MEGF9: variants seen among roughly 807,000 people sequenced by gnomAD.
The protein encoded by MEGF9 is multiple EGF like domains 9, also known as multiple epidermal growth factor-like domains protein 9.
A neutral mutation model predicts 46.8 loss-of-function variants in MEGF9; 6 were observed. The ratio of observed to expected loss-of-function variants is 0.13; its 90% CI spans 0.07 to 0.25. MEGF9 has a LOEUF of 0.25. Among genes scored for constraint, MEGF9 ranks in the 10% least tolerant of loss-of-function variants. The pLI, the probability that MEGF9 is intolerant of heterozygous loss-of-function variation, is 1.00. For synonymous variants in MEGF9, 302 were observed against 330.7 expected (o/e 0.91, Z 0.94); for missense variants, 683 against 792.4 (o/e 0.86, Z 1.66).
chr9:120,696,662 G>A lies in MEGF9; in HGVS notation c.601+17096C>T, dbSNP rs911240937. Among the ~76,000 whole-genome samples the A allele has an allele frequency of 1.6e-4, 25 of 152,146 alleles. 1 individual carries two copies. The highest frequency in any genetic ancestry group is 1.3e-4 in the Admixed American group (2 of 15,282). ...TAGAGTTTAAAGCACAAGGGGAAAA[G>A]TACAAGAAATGAGGATGGCAGACAT... On this transcript the variant is annotated intron_variant, in intron 1 of 5. Transcript: ENST00000373930.
intron 1 of MEGF9, among the ~76,000 whole-genome samples, chr9:120,712,091 T>C (rs1419667437): frequency 2.0e-5 from 3 of 152,018 alleles, no homozygotes; most frequent in African/African-American, 4.8e-5. Context: ...CCCTCATCTC[T>C]ACAAAAAATA....
At chr9:120,686,969 G>GTATA (rs77369058) in intron 1 of MEGF9, among the ~76,000 whole-genome samples, 9 of 151,274 alleles carry the variant, frequency 5.9e-5, no homozygotes, top group Admixed American at 5.3e-4. Flanking sequence ...GTGTGTATGT[G>GTATA]TATATATATA....
chr9:120,616,243 C>T (rs2043472059), intron 3 of MEGF9, among the ~76,000 whole-genome samples: 1 of 151,634 alleles, frequency 6.6e-6, no homozygotes, highest in South Asian at 2.1e-4. Flanking sequence ...TGAAACACTT[C>T]ATATATATAT....
rs189044058 is a variant in MEGF9 at position 120,608,029 on chromosome 9, A to T, written c.1088-19T>A. 8.9e-5 allele frequency: 144 copies of T among 1,612,814 alleles called. 1 individual carries two copies. The Admixed American group carries it at 1.8e-3, about 20-fold the overall frequency. ...CTCGATTCTAAAAGAGAGAATGCCA[A>T]AATAGTTTAGTACAGTCTGAAGCTA... On this transcript the variant is annotated intron_variant, in intron 4 of 5. Transcript: ENST00000373930.
intron 1 of MEGF9, among the ~76,000 whole-genome samples, chr9:120,708,326 C>G (rs1029376625): frequency 1.3e-5 from 2 of 152,324 alleles, no homozygotes; most frequent in Admixed American, 1.3e-4. Context: ...GATGGCACCA[C>G]TGCACTCCAG....
At chr9:120,682,594 C>T (rs1481006861) in intron 1 of MEGF9, among the ~76,000 whole-genome samples, 1 of 152,114 alleles carries the variant, frequency 6.6e-6, no homozygotes, top group Non-Finnish European at 1.5e-5. Context: ...CACACACGCA[C>T]ACACATATAT....
intron 2 of MEGF9, among the ~76,000 whole-genome samples, chr9:120,636,803 C>A (rs1042878111): frequency 2.0e-5 from 3 of 151,872 alleles, no homozygotes; most frequent in Non-Finnish European, 4.4e-5. Flanking sequence ...GCAGCCGCCC[C>A]GTCTGGGAGG....
At chr9:120,644,539 C>T (rs973406232) in intron 2 of MEGF9, among the ~76,000 whole-genome samples, 1 of 152,182 alleles carries the variant, frequency 6.6e-6, no homozygotes, top group Non-Finnish European at 1.5e-5. Context: ...AACCAATTAA[C>T]AAACACTAGG....
intron 2 of MEGF9, among the ~76,000 whole-genome samples, chr9:120,646,040 G>C (rs568856450): frequency 6.6e-6 from 1 of 152,220 alleles, no homozygotes; most frequent in African/African-American, 2.4e-5. Flanking sequence ...ATTTCCATAA[G>C]TTCAACTTAG....
rs1448151772 is a variant in MEGF9 at position 120,713,807 on chromosome 9, G to A, written c.552C>T (p.Ser184=). The A allele has an allele frequency of 7.7e-7, 1 of 1,297,782 alleles. No homozygotes were observed. Among genetic ancestry groups the A allele is most frequent in the Non-Finnish European group, 9.8e-7 (1 of 1,022,332 alleles). 80.4% of individuals were successfully genotyped at this position (1,297,782 alleles called of 1,614,324 possible). A position where few individuals can be genotyped will look rare whatever the true frequency, so the allele number is the denominator to read the frequency against. ...TPDLPSSSNS[S]VLPTPPATEA... is the part of the protein sequence containing the mutation. The stretch of plus-strand genomic sequence containing the variant: ...CGGTGGCAGGTGGGGTGGGGAGGAC[G>A]CTGCTGTTGCTGCTGCTGGGGAGAT... The change falls in exon 1 of 6, where the codon AGC becomes AGT. Residue 184 remains serine, a synonymous_variant. Coordinates refer to ENST00000373930, the MANE Select transcript of MEGF9 (RefSeq NM_001080497.3).
chr9:120,686,792 A>G (rs78115143), intron 1 of MEGF9, among the ~76,000 whole-genome samples: 3,607 of 152,328 alleles, frequency 0.024, 152 homozygotes, highest in African/African-American at 0.083. Context: ...ATATTAAATG[A>G]AACAATATAG....
intron 1 of MEGF9, chr9:120,689,788 T>C: frequency 3.2e-6 from 1 of 308,794 alleles, no homozygotes; most frequent in East Asian, 9.1e-5. Flanking sequence ...ATTGGGCCCA[T>C]AAAAATGTTG....
chr9:120,640,078 C>T (rs2043595549), intron 2 of MEGF9, among the ~76,000 whole-genome samples: 2 of 152,178 alleles, frequency 1.3e-5, no homozygotes, highest in Admixed American at 1.3e-4. Flanking sequence ...CTTTACCTCT[C>T]TCCAATGTTT....
intron 1 of MEGF9, among the ~76,000 whole-genome samples, chr9:120,706,848 A>C (rs2043931447): frequency 6.6e-6 from 1 of 152,226 alleles, no homozygotes; most frequent in African/African-American, 2.4e-5. Flanking sequence ...AGAAAAAAAC[A>C]GAAAGAAGAA....
chr9:120,644,932 A>C (rs950753693), intron 2 of MEGF9, among the ~76,000 whole-genome samples: 1 of 152,218 alleles, frequency 6.6e-6, no homozygotes, highest in Non-Finnish European at 1.5e-5. Context: ...GATGTTTATA[A>C]AGATTAAATT....
At chr9:120,615,859 A>G (rs1051773662) in intron 3 of MEGF9, among the ~76,000 whole-genome samples, 1 of 152,128 alleles carries the variant, frequency 6.6e-6, no homozygotes, top group African/African-American at 2.4e-5. Context: ...ATGCCACTGC[A>G]CTCCAGCCCG....
chr9:120,605,396 C>T lies in MEGF9; in HGVS notation c.1603G>A (p.Val535Ile), dbSNP rs2043416150. ...TTTTGGTACTCGCGGTACATATATACAGCCCCCACAAATCCCATTAGCAGC... is the reference window on the plus strand; with the variant it reads ...TTTTGGTACTCGCGGTACATATATATAGCCCCCACAAATCCCATTAGCAGC... ...VVLLMGFVGA[V>I]YMYREYQNRK... The change falls in exon 6 of 6, where the codon GTA becomes ATA. Residue 535 changes from valine (V) to isoleucine (I), a missense_variant. By Grantham distance (29) the Val-to-Ile change is conservative. Coordinates refer to ENST00000373930, the MANE Select transcript of MEGF9 (RefSeq NM_001080497.3). The surrounding 1 kb of genome is among the most constrained non-coding windows in gnomAD (Gnocchi z 4.0). The T allele has an allele frequency of 1.2e-6, 2 of 1,613,912 alleles. No homozygotes were observed. Among genetic ancestry groups the T allele is most frequent in the African/African-American group, 1.3e-5 (1 of 74,918 alleles).
At chr9:120,648,822 T>C (rs1005522256) in intron 2 of MEGF9, among the ~76,000 whole-genome samples, 1 of 152,250 alleles carries the variant, frequency 6.6e-6, no homozygotes, top group Non-Finnish European at 1.5e-5. Context: ...CCTATATGAA[T>C]GTAAGCCTCC....
At position 120,713,783 on chromosome 9, in the gene MEGF9, G is replaced by A. The variant is rs1006849810; in HGVS notation, c.576C>T (p.Thr192=). ...NSSVLPTPPA[T]EAPSSPPPEY... is the part of the protein sequence containing the mutation. ...CTGGAGGAGGCGAAGAGGGGGCCTC[G>A]GTGGCAGGTGGGGTGGGGAGGACGC... is the stretch of plus-strand genomic sequence containing the variant. The change falls in exon 1 of 6, where the codon ACC becomes ACT. Residue 192 remains threonine, a synonymous_variant. Coordinates refer to ENST00000373930, the MANE Select transcript of MEGF9 (RefSeq NM_001080497.3). 7.7e-7 allele frequency: 1 copy of A among 1,294,552 alleles called. No individual in the cohort carries two copies. Among genetic ancestry groups the A allele is most frequent in the Non-Finnish European group, 9.8e-7 (1 of 1,020,844 alleles). 80.2% of individuals were successfully genotyped at this position (1,294,552 alleles called of 1,614,324 possible).
Sources: gnomAD v4.1 joint callset for allele counts (sites outside exome capture counted in the v4.1 genomes callset) on GRCh38, gnomAD v4.1.1 for gene constraint, Gnocchi (gnomAD v3.1) non-coding constraint, MANE v1.5 for transcripts, NCBI Gene and HGNC (gene_info 2026-07-23, HGNC 2026-07-21) for gene names.